The following MCU variants were observed in gnomAD, a reference collection of about 807,000 sequenced individuals.
MCU encodes calcium uniporter protein, mitochondrial.
In MCU, 12 loss-of-function variants were observed where a neutral mutation model predicts 45.2. The observed-to-expected ratio is 0.27, with a 90% CI of 0.17 to 0.43. The LOEUF (loss-of-function observed/expected upper bound fraction) is 0.43, where lower values mean the gene tolerates loss of function less well. MCU is among the 20% of genes least tolerant of loss of function. The pLI is 1.00. For missense variants in MCU, 324 were observed against 436.7 expected (o/e 0.74, Z 2.30); for synonymous variants, 160 against 165.1 (o/e 0.97, Z 0.24).
At chr10:72,855,258 A>G (rs1845270214) in intron 2 of MCU, among the ~76,000 whole-genome samples, 1 of 152,110 alleles carries the variant, frequency 6.6e-6, no homozygotes. Flanking sequence ...AAAAATAAAT[A>G]AAATAAGGTA....
At chr10:72,858,456 G>C (rs560780888) in intron 2 of MCU, among the ~76,000 whole-genome samples, 1 of 152,316 alleles carries the variant, frequency 6.6e-6, no homozygotes, top group African/African-American at 2.4e-5. Context: ...GTGTTGGTCA[G>C]TTAATTGGTT....
chr10:72,771,596 TTTG>T (rs942198924), intron 1 of MCU, among the ~76,000 whole-genome samples: 7 of 152,242 alleles, frequency 4.6e-5, no homozygotes, highest in African/African-American at 1.7e-4. Flanking sequence ...GGACACCTTT[TTTG>T]TTGTTTCAAC....
chr10:72,879,835 C>G (rs1349102575), intron 6 of MCU, among the ~76,000 whole-genome samples: 1 of 152,146 alleles, frequency 6.6e-6, no homozygotes, highest in Non-Finnish European at 1.5e-5. Flanking sequence ...CATTTGAGGT[C>G]AGGAGTTTGA....
intron 1 of MCU, among the ~76,000 whole-genome samples, chr10:72,763,750 G>A (rs937304941): frequency 2.0e-5 from 3 of 152,138 alleles, no homozygotes; most frequent in Admixed American, 2.0e-4. Context: ...TAGGCTGGCG[G>A]TAAAGAGACT....
At chr10:72,821,517 T>C (rs1007067502) in intron 1 of MCU, among the ~76,000 whole-genome samples, 4 of 152,174 alleles carry the variant, frequency 2.6e-5, no homozygotes, top group African/African-American at 4.8e-5. Flanking sequence ...TATGCATGCC[T>C]GAGTTCTTAA....
intron 1 of MCU, among the ~76,000 whole-genome samples, chr10:72,706,882 T>TGC (rs200058101): frequency 0.04 from 5,807 of 146,380 alleles, 391 homozygotes; most frequent in African/African-American, 0.14. Context: ...CAGGCTGGAG[T>TGC]GCAGTGGCAC....
chr10:72,731,581 GA>G (rs894581969), intron 1 of MCU, among the ~76,000 whole-genome samples: 9 of 147,110 alleles, frequency 6.1e-5, no homozygotes, highest in African/African-American at 7.5e-5. Context: ...ATCACTGCAG[GA>G]AAAAAAAAAC....
intron 1 of MCU, among the ~76,000 whole-genome samples, chr10:72,755,318 TTG>T (rs368930605): frequency 8.6e-4 from 130 of 151,992 alleles, no homozygotes; most frequent in African/African-American, 3.0e-3. Context: ...CCAGCTAGTT[TTG>T]TATTTTTAGT....
At chr10:72,692,541 G>A in intron 1 of MCU, 1 of 1,071,344 alleles carries the variant, frequency 9.3e-7, no homozygotes, top group Non-Finnish European at 1.1e-6. Context: ...TGTTCCCGCA[G>A]GACTGGGGAC....
chr10:72,746,356 T>G (rs1843414663), intron 1 of MCU, among the ~76,000 whole-genome samples: 1 of 152,216 alleles, frequency 6.6e-6, no homozygotes, highest in African/African-American at 2.4e-5. Flanking sequence ...ATTAGAAGTT[T>G]TTTTGTGGTT....
chr10:72,771,630 G>A (rs1843810091), intron 1 of MCU, among the ~76,000 whole-genome samples: 1 of 152,120 alleles, frequency 6.6e-6, no homozygotes, highest in African/African-American at 2.4e-5. Context: ...TCATCCCAGT[G>A]CCTTGGAAGC....
intron 2 of MCU, among the ~76,000 whole-genome samples, chr10:72,844,544 G>C (rs1845092222): frequency 6.6e-6 from 1 of 152,108 alleles, no homozygotes; most frequent in African/African-American, 2.4e-5. Flanking sequence ...ACTCCAGCCT[G>C]GGTGACAAGA....
intron 1 of MCU, among the ~76,000 whole-genome samples, chr10:72,698,746 C>T (rs181229872): frequency 1.8e-4 from 28 of 152,234 alleles, no homozygotes; most frequent in Admixed American, 6.5e-4. Flanking sequence ...CTCAGGTGAT[C>T]GGCCTGCCTC....
At chr10:72,879,384 G>T (rs1331774357) in intron 6 of MCU, among the ~76,000 whole-genome samples, 2 of 152,206 alleles carry the variant, frequency 1.3e-5, no homozygotes, top group African/African-American at 4.8e-5. Flanking sequence ...TGCCTTCAAA[G>T]GAGTCCCTGT....
intron 1 of MCU, among the ~76,000 whole-genome samples, chr10:72,704,965 C>T (rs1029878102): frequency 2.6e-4 from 40 of 152,006 alleles, no homozygotes; most frequent in African/African-American, 8.4e-4. Context: ...ATAATCCGCC[C>T]GCCTCGGCCT....
At chr10:72,768,355 G>C (rs972327321) in intron 1 of MCU, among the ~76,000 whole-genome samples, 1 of 152,072 alleles carries the variant, frequency 6.6e-6, no homozygotes, top group Non-Finnish European at 1.5e-5. Flanking sequence ...AAGGCTTCTG[G>C]AAATTTATTT....
chr10:72,732,216 T>C (rs1212536445), intron 1 of MCU, among the ~76,000 whole-genome samples: 1 of 152,236 alleles, frequency 6.6e-6, no homozygotes, highest in Non-Finnish European at 1.5e-5. Flanking sequence ...AGCGTATCTT[T>C]GGAGAAATAC....
intron 4 of MCU, among the ~76,000 whole-genome samples, chr10:72,863,518 G>A (rs1216863566): frequency 6.6e-6 from 1 of 152,132 alleles, no homozygotes; most frequent in Non-Finnish European, 1.5e-5. Context: ...AAGCAGGTTT[G>A]AAAAAACTTG....
intron 6 of MCU, among the ~76,000 whole-genome samples, chr10:72,882,878 C>A (rs1845725823): frequency 6.6e-6 from 1 of 152,134 alleles, no homozygotes; most frequent in Admixed American, 6.5e-5. Flanking sequence ...ACGGAACCTA[C>A]CGACATGTGA....
Sources: gnomAD v4.1 joint callset for allele counts (sites outside exome capture counted in the v4.1 genomes callset) on GRCh38, gnomAD v4.1.1 for gene constraint, MANE v1.5 for transcripts, NCBI Gene and HGNC (gene_info 2026-07-23, HGNC 2026-07-21) for gene names.